Variants in EHD1 observed in about 807,000 individuals in gnomAD.
The protein encoded by EHD1 is EH domain-containing protein 1.
Under a neutral mutation model 39.0 loss-of-function variants are expected in EHD1, and 19 were observed. The observed-to-expected ratio is 0.49, with a 90% CI of 0.34 to 0.72. EHD1 has a LOEUF of 0.72. EHD1 is among the 30% of genes least tolerant of loss of function. The pLI is 0.01. For synonymous variants in EHD1, 323 were observed against 331.2 expected (o/e 0.98, Z 0.27); for missense variants, 542 against 751.5 (o/e 0.72, Z 3.26).
chr11:64,871,108 C>A lies in EHD1; in HGVS notation c.502+3313G>T, dbSNP rs192597796. On this transcript the variant is annotated intron_variant, in intron 2 of 4. Coordinates refer to ENST00000320631, the MANE Select transcript of EHD1 (RefSeq NM_006795.4). ...TCAGGAGGGGCCAGGCGGGGCCAGA[C>A]GGGGTGGGAAATGGAAGTAAATGCA... Among the ~76,000 whole-genome samples, 96 of 152,254 alleles carry A rather than the reference C, an allele frequency of 6.3e-4. 1 individual carries two copies. The highest frequency in any genetic ancestry group is 2.3e-3 in the African/African-American group (94 of 41,542).
intron 3 of EHD1, among the ~76,000 whole-genome samples, chr11:64,858,152 GC>G (rs1249831042): frequency 9.3e-5 from 14 of 150,514 alleles, no homozygotes; most frequent in Admixed American, 7.3e-4. Context: ...GGGATTACAG[GC>G]GTGAGCCACC....
rs1592749276 is a variant in EHD1, at chr11:64,864,623, C to T, written c.503-4287G>A. Among the ~76,000 whole-genome samples the T allele has an allele frequency of 2.6e-5, 4 of 152,216 alleles. No individual in the cohort carries two copies. The South Asian group carries it at 8.3e-4, about 32-fold the overall frequency. ...GGAACGCAGGTCAGTACTGAAAAGG[C>T]GATGACTCAAGGACTGAGGTTCCTC... is the stretch of plus-strand genomic sequence containing the variant. On this transcript the variant is annotated intron_variant, in intron 2 of 4. Coordinates refer to ENST00000320631, the MANE Select transcript of EHD1 (RefSeq NM_006795.4).
chr11:64,859,749 G>T (rs2136480218), intron 3 of EHD1, 175 bp downstream of exon 3: 3 of 887,652 alleles, frequency 3.4e-6, no homozygotes, highest in East Asian at 2.7e-5. Flanking sequence ...TTAAGAGCAG[G>T]CTGCACGCGG....
rs1424987063 is a variant in EHD1 at position 64,878,157 on chromosome 11, C to T, written c.308G>A (p.Gly103Asp). ...TTDSFIAVMH[G>D]PTEGVVPGNA... ...GCCCGGCACCACGCCCTCAGTGGGG[C>T]CGTGCATGACGGCGATGAAGGAGTC... is the stretch of plus-strand genomic sequence containing the variant. The change falls in exon 1 of 5, where the codon GGC becomes GAC. Residue 103 changes from glycine (G) to aspartate (D), a missense_variant. By Grantham distance (94) the Gly-to-Asp change is moderately conservative. Transcript: ENST00000320631. 6.2e-7 allele frequency: 1 copy of T among 1,600,262 alleles called. No homozygotes were observed. The highest frequency in any genetic ancestry group is 1.7e-5 in the Admixed American group (1 of 59,620).
chr11:64,866,193 A>G (rs185489147), intron 2 of EHD1, among the ~76,000 whole-genome samples: 2 of 152,224 alleles, frequency 1.3e-5, no homozygotes, highest in South Asian at 2.1e-4. Flanking sequence ...GAACAAGATC[A>G]TGACCTTTGC....
intron 2 of EHD1, 74 bp downstream of exon 2, chr11:64,874,347 A>G (rs1361611259): frequency 3.9e-6 from 5 of 1,273,544 alleles, no homozygotes; most frequent in Non-Finnish European, 5.5e-6. Flanking sequence ...GCAGCATCTG[A>G]ACCAAGTTGC....
rs1943624402 is a variant in EHD1 at position 64,854,564 on chromosome 11, G to A, written c.1374C>T (p.Val458=). The change falls in exon 5 of 5, where the codon GTC becomes GTT. Residue 458 remains valine, a synonymous_variant. Transcript: ENST00000320631. ...YDEIFYTLSP[V]NGKITGANAK... is the part of the protein sequence containing the mutation. Reference sequence around the variant, plus strand: ...CGTTGGCGCCCGTGATCTTGCCGTTGACAGGGGACAGCGTGTAGAAGATCT... The same window carrying A: ...CGTTGGCGCCCGTGATCTTGCCGTTAACAGGGGACAGCGTGTAGAAGATCT... 3 of 1,614,164 alleles carry A rather than the reference G, an allele frequency of 1.9e-6. No individual in the cohort carries two copies. The highest frequency in any genetic ancestry group is 2.5e-6 in the Non-Finnish European group (3 of 1,180,018).
At chr11:64,863,922 A>T (rs1943741851) in intron 2 of EHD1, among the ~76,000 whole-genome samples, 1 of 152,206 alleles carries the variant, frequency 6.6e-6, no homozygotes, top group Non-Finnish European at 1.5e-5. Flanking sequence ...AGGACCCGAC[A>T]GGGACAGCCT....
chr11:64,858,057 A>G (rs1457341931), intron 3 of EHD1, among the ~76,000 whole-genome samples: 1 of 148,280 alleles, frequency 6.7e-6, no homozygotes, highest in East Asian at 2.0e-4. Context: ...TAAATTAAAT[A>G]GAGACAGGGT....
Position 64,854,736 on chromosome 11 carries a change from T to G in EHD1, c.1202A>C (p.Glu401Ala). The change falls in exon 5 of 5, where the codon GAG becomes GCG. Residue 401 changes from glutamate (E) to alanine (A), a missense_variant. Physicochemically the swap from Glu to Ala is moderately radical, Grantham distance 107 (BLOSUM62 -1). Coordinates refer to ENST00000320631, the MANE Select transcript of EHD1 (RefSeq NM_006795.4). ...GACCACCTGGGAAGGCATCAGGGAC[T>G]CCTCCTGCCGCACCATCACCATCAG... The part of the protein sequence containing the change: ...ARLMVMVRQE[E>A]SLMPSQVVKG... 1.9e-6 allele frequency: 3 copies of G among 1,611,868 alleles called. No homozygotes were observed. Among genetic ancestry groups the G allele is most frequent in the East Asian group, 2.2e-5 (1 of 44,854 alleles).
In EHD1 at chr11:64,854,593, C is replaced by T. The variant is rs200066321; in HGVS notation, c.1345G>A (p.Asp449Asn). 7 of 1,613,930 alleles carry T rather than the reference C, an allele frequency of 4.3e-6. No individual in the cohort carries two copies. The highest frequency in any genetic ancestry group is 1.3e-5 in the African/African-American group (1 of 74,874). ...GGGGACAGCGTGTAGAAGATCTCGTCGTAGGTGGGCTTGTCCTTGCCCACC... is the reference window on the plus strand; with the variant it reads ...GGGGACAGCGTGTAGAAGATCTCGTTGTAGGTGGGCTTGTCCTTGCCCACC... ...WVVGKDKPTYDEIFYTLSPVN... is the reference protein window; with the variant it reads ...WVVGKDKPTYNEIFYTLSPVN... Residue 449 changes from aspartate to asparagine, a missense_variant, in exon 5 of 5, where the codon GAC (aspartate) becomes AAC (asparagine). Physicochemically the swap from Asp to Asn is conservative, Grantham distance 23. Coordinates refer to ENST00000320631, the MANE Select transcript of EHD1 (RefSeq NM_006795.4).
intron 1 of EHD1, among the ~76,000 whole-genome samples, chr11:64,875,339 T>G (rs1447480285): frequency 6.6e-6 from 1 of 152,186 alleles, no homozygotes; most frequent in East Asian, 1.9e-4. Flanking sequence ...TCACTTGAGG[T>G]CAGGAGTTCA....
At chr11:64,866,040 A>G (rs1415757067) in intron 2 of EHD1, among the ~76,000 whole-genome samples, 2 of 152,240 alleles carry the variant, frequency 1.3e-5, no homozygotes, top group Non-Finnish European at 2.9e-5. Context: ...TCATTCTGCC[A>G]TAAGGACACA....
intron 2 of EHD1, among the ~76,000 whole-genome samples, chr11:64,866,949 C>T (rs1399866202): frequency 2.0e-5 from 3 of 152,050 alleles, no homozygotes; most frequent in Non-Finnish European, 4.4e-5. Flanking sequence ...CTGCGGGGTG[C>T]AGGGAGCCAC....
At chr11:64,859,874 C>T (rs1214469106) in intron 3 of EHD1, 50 bp downstream of exon 3, 1 of 1,561,586 alleles carries the variant, frequency 6.4e-7, no homozygotes, top group Non-Finnish European at 8.7e-7. Context: ...AGTCTCAGAG[C>T]CCCATGGCCC....
At chr11:64,870,363 C>A (rs1943815138) in intron 2 of EHD1, among the ~76,000 whole-genome samples, 2 of 152,224 alleles carry the variant, frequency 1.3e-5, no homozygotes, top group African/African-American at 4.8e-5. Context: ...CTAGCGCCGA[C>A]ACTTGCTGGC....
At chr11:64,874,244 C>T (rs944818594) in intron 2 of EHD1, among the ~76,000 whole-genome samples, 177 bp downstream of exon 2, 7 of 140,724 alleles carry the variant, frequency 5.0e-5, no homozygotes, top group Admixed American at 4.7e-4. Context: ...GCAGAGGTTG[C>T]AGTGAGCTGA....
In EHD1 at chr11:64,878,488, C is replaced by T. The variant is rs767647888; in HGVS notation, c.-24G>A. On this transcript the variant is annotated 5_prime_UTR_variant, in exon 1 of 5. Transcript: ENST00000320631. ...ATACTGCCGGACACGGGGCTGGCTG[C>T]TGCGGGGCAGAGCGGCGGCTGAGAG... The T allele has an allele frequency of 1.3e-6, 2 of 1,577,466 alleles. No individual in the cohort carries two copies. The highest frequency in any genetic ancestry group is 2.3e-5 in the South Asian group (2 of 86,416).
At chr11:64,877,999 G>C in intron 1 of EHD1, 62 bp downstream of exon 1, 1 of 1,455,772 alleles carries the variant, frequency 6.9e-7, no homozygotes, top group Non-Finnish European at 9.0e-7. Context: ...GGGAGGGTCA[G>C]GCTCCGAGTG....
Sources: allele counts gnomAD v4.1 joint callset (sites outside exome capture counted in the v4.1 genomes callset), GRCh38; gene constraint gnomAD v4.1.1; transcripts MANE v1.5; gene names NCBI Gene and HGNC (gene_info 2026-07-23, HGNC 2026-07-21).